The following SSH2 variants were observed in gnomAD, a reference collection of about 807,000 sequenced individuals.
SSH2 encodes slingshot protein phosphatase 2.
Under a neutral mutation model 135.2 loss-of-function variants are expected in SSH2, and 37 were observed. That is an observed-to-expected ratio of 0.27 (90% CI 0.21 to 0.36). The LOEUF is 0.36. SSH2 is among the 10% of genes least tolerant of loss of function. The probability of loss-of-function intolerance (pLI) is 1.00; values close to 1 mark genes in which losing one functional copy is unlikely to be tolerated. For synonymous variants in SSH2, 628 were observed against 646.2 expected (o/e 0.97, Z 0.43); for missense variants, 1,408 against 1,765.3 (o/e 0.80, Z 3.63).
intron 8 of SSH2, 31 bp downstream of exon 8, chr17:29,676,789 A>G: frequency 6.4e-7 from 1 of 1,554,596 alleles, no homozygotes. Context: ...ACATTAAAAC[A>G]CTTTTGTAGA....
chr17:29,675,894 C>T (rs1050219926), intron 8 of SSH2: 4 of 152,028 alleles, frequency 2.6e-5, no homozygotes, highest in African/African-American at 9.7e-5. Flanking sequence ...TGTAACCCAT[C>T]CAAAGCATGT....
chr17:29,673,610 A>C (rs1220930922), intron 8 of SSH2, among the ~76,000 whole-genome samples: 1 of 152,096 alleles, frequency 6.6e-6, no homozygotes, highest in East Asian at 1.9e-4. Context: ...CTCATAGCAA[A>C]AGTGATCCAT....
intron 3 of SSH2, among the ~76,000 whole-genome samples, chr17:29,707,651 G>C (rs922086921): frequency 6.6e-6 from 1 of 151,602 alleles, no homozygotes; most frequent in Non-Finnish European, 1.5e-5. Flanking sequence ...TCAGCCTCGC[G>C]AACAGCTGGG....
At chr17:29,783,128 C>T (rs1387412161) in intron 3 of SSH2, among the ~76,000 whole-genome samples, 1 of 151,890 alleles carries the variant, frequency 6.6e-6, no homozygotes, top group African/African-American at 2.4e-5. Flanking sequence ...TGAAGCTGTT[C>T]TTTTATGCTG....
chr17:29,648,075 GAGA>G (rs1764448738), intron 14 of SSH2, 66 bp downstream of exon 14: 5 of 1,413,146 alleles, frequency 3.5e-6, no homozygotes, highest in Non-Finnish European at 5.0e-6. Flanking sequence ...AGTAGCTACA[GAGA>G]AGGACACTTC....
intron 2 of SSH2, among the ~76,000 whole-genome samples, chr17:29,847,601 C>G (rs545136311): frequency 4.3e-4 from 65 of 152,318 alleles, no homozygotes; most frequent in African/African-American, 1.5e-3. Context: ...TCCAACACCC[C>G]TTTAAGGTAG....
At position 29,784,515 on chromosome 17, in the gene SSH2, T is replaced by G. The variant is rs571532321; in HGVS notation, c.188+9379A>C. On this transcript the variant is annotated intron_variant, in intron 3 of 15. Coordinates refer to ENST00000540801, the MANE Select transcript of SSH2 (RefSeq NM_001282129.2). ...GGGAGGCTGAGACAGGAGAATCACTTGAATCCAGGAGGCGGAGGTTGCAGT... is the reference window on the plus strand; with the variant it reads ...GGGAGGCTGAGACAGGAGAATCACTGGAATCCAGGAGGCGGAGGTTGCAGT... Among the ~76,000 whole-genome samples, 43 of 151,668 alleles carry G rather than the reference T, an allele frequency of 2.8e-4. No homozygotes were observed. In the South Asian group the frequency reaches 5.0e-3, roughly 18 times the overall value.
At chr17:29,640,906 T>C (rs2036132159) in intron 14 of SSH2, 1 of 152,186 alleles carries the variant, frequency 6.6e-6, no homozygotes, top group Non-Finnish European at 1.5e-5. Flanking sequence ...ACTGTATATA[T>C]TCTTCACCAA....
At chr17:29,785,177 A>G (rs1354818148) in intron 3 of SSH2, among the ~76,000 whole-genome samples, 1 of 152,134 alleles carries the variant, frequency 6.6e-6, no homozygotes, top group Non-Finnish European at 1.5e-5. Flanking sequence ...TAATCAAAAA[A>G]AGTATAATAT....
chr17:29,709,013 TATAGAGAGAGAGAGAG>T (rs2039330487), intron 3 of SSH2, among the ~76,000 whole-genome samples: 1 of 88,174 alleles, frequency 1.1e-5, no homozygotes, highest in African/African-American at 3.6e-5. Context: ...TATATATATA[TATAGAGAGAGAGAGAG>T]AGAGAGAGAG....
At chr17:29,872,624 G>A (rs2065957106) in intron 1 of SSH2, among the ~76,000 whole-genome samples, 1 of 152,134 alleles carries the variant, frequency 6.6e-6, no homozygotes, top group East Asian at 1.9e-4. Flanking sequence ...AAAAAAGGCA[G>A]AGGAGCTAGC....
At chr17:29,786,090 C>T (rs779553730) in intron 3 of SSH2, among the ~76,000 whole-genome samples, 1 of 152,230 alleles carries the variant, frequency 6.6e-6, no homozygotes, top group African/African-American at 2.4e-5. Flanking sequence ...AGGCGTGAGC[C>T]GCCGCGCCCG....
intron 3 of SSH2, among the ~76,000 whole-genome samples, chr17:29,712,052 G>A (rs539429515): frequency 3.3e-5 from 5 of 152,266 alleles, no homozygotes; most frequent in Admixed American, 2.0e-4. Context: ...GACATCAATC[G>A]ATATATGTAA....
intron 2 of SSH2, among the ~76,000 whole-genome samples, chr17:29,823,776 G>A (rs1416078493): frequency 6.6e-6 from 1 of 151,560 alleles, no homozygotes; most frequent in Non-Finnish European, 1.5e-5. Context: ...CTACTCGGGA[G>A]GCTGAAGTAG....
In SSH2 at chr17:29,666,355, C is replaced by T. The variant is rs535118764; in HGVS notation, c.1032+512G>A. Among the ~76,000 whole-genome samples, 20 of 152,080 alleles carry T rather than the reference C, an allele frequency of 1.3e-4. No homozygotes were observed. In the South Asian group the frequency reaches 4.2e-3, roughly 32 times the overall value. On this transcript the variant is annotated intron_variant, in intron 11 of 15. Transcript: ENST00000540801. Reference sequence around the variant, plus strand: ...TGCTACTACACTCCAGGCTGGGCAACAGAGCGAGACCCTGTTTCAAAAATA... The same window carrying T: ...TGCTACTACACTCCAGGCTGGGCAATAGAGCGAGACCCTGTTTCAAAAATA...
chr17:29,680,551 C>CAAAAA (rs1160865828), intron 6 of SSH2, among the ~76,000 whole-genome samples: 3,140 of 21,526 alleles, frequency 0.15, 1,251 homozygotes, highest in South Asian at 0.21. Context: ...GACTCCCTCT[C>CAAAAA]AAAAAAAAAA....
chr17:29,656,543 G>A (rs2036789499), intron 11 of SSH2, among the ~76,000 whole-genome samples: 1 of 152,302 alleles, frequency 6.6e-6, no homozygotes, highest in East Asian at 1.9e-4. Context: ...TGTGTGGCAG[G>A]AGAAGACACT....
chr17:29,669,677 C>T (rs1321808719), intron 9 of SSH2, among the ~76,000 whole-genome samples: 4 of 152,018 alleles, frequency 2.6e-5, no homozygotes, highest in Admixed American at 2.0e-4. Context: ...ATTCTTTTTC[C>T]GTAAACAGAC....
rs200932868 is a variant in SSH2, at chr17:29,914,573, A to AC, written c.63+15364_63+15365insG. ...GACCCTGTCTGAAAAAAAAAAAAAA[A>AC]ACAAACAAAAAACCCCAAAGAGTAT... On this transcript the variant is annotated intron_variant, in intron 1 of 15. Transcript: ENST00000540801. 7.1e-3 allele frequency among the ~76,000 whole-genome samples: 1,077 copies of AC among 151,070 alleles called. 11 individuals carry two copies. Among genetic ancestry groups the AC allele is most frequent in the African/African-American group, 0.022 (889 of 40,940 alleles).
Sources: gnomAD v4.1 joint callset for allele counts (sites outside exome capture counted in the v4.1 genomes callset) on GRCh38, gnomAD v4.1.1 for gene constraint, MANE v1.5 for transcripts, NCBI Gene and HGNC (gene_info 2026-07-23, HGNC 2026-07-21) for gene names.